Variants in COL6A2 observed in about 807,000 individuals in gnomAD.
COL6A2 encodes collagen type VI alpha 2 chain, also known as collagen alpha-2(VI) chain.
COL6A2 carries 90 observed loss-of-function variants against 124.9 expected under a neutral mutation model. That is an observed-to-expected ratio of 0.72 (90% CI 0.61 to 0.86). The LOEUF is 0.86. Among genes scored for constraint, COL6A2 ranks in the 40% least tolerant of loss-of-function variants. The probability of loss-of-function intolerance (pLI) is 0.00; values close to 1 mark genes in which losing one functional copy is unlikely to be tolerated. For missense variants in COL6A2, 1,607 were observed against 1,502.5 expected (o/e 1.07, Z -1.15); for synonymous variants, 793 against 618.2 (o/e 1.28, Z -4.19).
intron 1 of COL6A2, among the ~76,000 whole-genome samples, chr21:46,098,392 C>T (rs2078249038): frequency 6.8e-6 from 1 of 148,130 alleles, no homozygotes; most frequent in African/African-American, 2.4e-5. Context: ...GTCCGACCCT[C>T]GGGCGCGCGA....
rs199929757 is a variant in COL6A2, at chr21:46,117,890, C to T, written c.1070C>T (p.Pro357Leu). 9 of 1,612,292 alleles carry T rather than the reference C, an allele frequency of 5.6e-6. No homozygotes were observed. Among genetic ancestry groups the T allele is most frequent in the African/African-American group, 1.3e-5 (1 of 74,894 alleles). The change falls in exon 12 of 28, where the codon CCG (proline) becomes CTG (leucine). Residue 357 changes from proline to leucine, a missense_variant. By Grantham distance (98) the Pro-to-Leu change is moderately conservative. This residue lies in a region of COL6A2 where 1,223 missense variants were observed against 1,052.2 expected (regional missense o/e 1.16). Coordinates refer to ENST00000300527, the MANE Select transcript of COL6A2 (RefSeq NM_001849.4). ...CTCTCTCAGGGCCCCGACGGTTACCCGGGGGAAGCAGGGAGTCCAGGGGAG... is the reference window on the plus strand; with the variant it reads ...CTCTCTCAGGGCCCCGACGGTTACCTGGGGGAAGCAGGGAGTCCAGGGGAG... ...DPGNRGPDGYPGEAGSPGERG... is the reference protein window; with the variant it reads ...DPGNRGPDGYLGEAGSPGERG...
At chr21:46,108,912 G>A (rs1343257922) in intron 1 of COL6A2, among the ~76,000 whole-genome samples, 1 of 152,204 alleles carries the variant, frequency 6.6e-6, no homozygotes, top group Admixed American at 6.5e-5. Flanking sequence ...ACAGACAAGT[G>A]GAGGGTGTGC....
In COL6A2 at chr21:46,125,945, C is replaced by T; in HGVS notation, c.2130C>T (p.Ala710=). The part of the protein sequence containing the change: ...GTWTPSALKF[A]YDRLIKESRR... ...GGACACCCTCAGCCCTCAAGTTTGC[C>T]TACGACCGCCTCATCAAGGAGAGCC... Residue 710 remains alanine, a synonymous_variant, in exon 26 of 28, where the codon GCC becomes GCT. Coordinates refer to ENST00000300527, the MANE Select transcript of COL6A2 (RefSeq NM_001849.4). The T allele has an allele frequency of 6.2e-7, 1 of 1,613,036 alleles. No individual in the cohort carries two copies. Among genetic ancestry groups the T allele is most frequent in the East Asian group, 2.2e-5 (1 of 44,860 alleles).
At position 46,111,539 on chromosome 21, in the gene COL6A2, G is replaced by A. The variant is rs2078398273; in HGVS notation, c.63G>A (p.Gln21=). The A allele has an allele frequency of 6.2e-7, 1 of 1,612,942 alleles. No homozygotes were observed. The highest frequency in any genetic ancestry group is 1.3e-5 in the African/African-American group (1 of 74,936). Residue 21 remains glutamine, a synonymous_variant, in exon 2 of 28, where the codon CAG becomes CAA. Coordinates refer to ENST00000300527, the MANE Select transcript of COL6A2 (RefSeq NM_001849.4). ...LWGILGAIQA[Q]QQEVISPDTT... is the part of the protein sequence containing the mutation. ...GAATCCTGGGGGCCATCCAGGCCCA[G>A]CAGCAGGAGGTCATCTCGCCGGACA...
chr21:46,126,169 A>C lies in COL6A2; in HGVS notation c.2354A>C (p.Asn785Thr), dbSNP rs746466184. 2 of 1,608,876 alleles carry C rather than the reference A, an allele frequency of 1.2e-6. No individual in the cohort carries two copies. Among genetic ancestry groups the C allele is most frequent in the Admixed American group, 3.3e-5 (2 of 60,024 alleles). ...TGCGACAAGCCACAGCAGGTGCGCAACATGACGCTGTTCTCCGACCTGGTC... is the reference window on the plus strand; with the variant it reads ...TGCGACAAGCCACAGCAGGTGCGCACCATGACGCTGTTCTCCGACCTGGTC... ...IACDKPQQVR[N>T]MTLFSDLVAE... Residue 785 changes from asparagine to threonine, a missense_variant, in exon 26 of 28, where the codon AAC becomes ACC. By Grantham distance (65) the Asn-to-Thr change is moderately conservative. Around this residue, in one of 3 missense-constraint regions of COL6A2, gnomAD observed 1,223 missense variants for 1,052.2 expected, o/e 1.16. Coordinates refer to ENST00000300527, the MANE Select transcript of COL6A2 (RefSeq NM_001849.4).
chr21:46,130,782 T>C (rs148498358), intron 27 of COL6A2, among the ~76,000 whole-genome samples: 3,030 of 152,272 alleles, frequency 0.02, 102 homozygotes, highest in South Asian at 0.089. Context: ...TTTCTGGACA[T>C]TTAAGCCGGT....
At chr21:46,119,539 A>G (rs1220999036) in intron 14 of COL6A2, among the ~76,000 whole-genome samples, 1 of 152,130 alleles carries the variant, frequency 6.6e-6, no homozygotes, top group Non-Finnish European at 1.5e-5. Context: ...CTCCACCTGG[A>G]GCCTCCCCAG....
In COL6A2 at chr21:46,122,946, C is replaced by T. The variant is rs186428044; in HGVS notation, c.1671+9C>T. On this transcript the variant is annotated intron_variant, in intron 21 of 27. Coordinates refer to ENST00000300527, the MANE Select transcript of COL6A2 (RefSeq NM_001849.4). ...GAGAGAAAGGAGAGCCTGTGAGTGT[C>T]ACCGTCCCGAAGCCCACAGCAGCTG... The T allele has an allele frequency of 4.5e-4, 722 of 1,612,854 alleles. 5 individuals are homozygous for T. In the African/African-American group the frequency reaches 8.8e-3, roughly 20 times the overall value.
intron 1 of COL6A2, among the ~76,000 whole-genome samples, chr21:46,105,771 A>G (rs570226971): frequency 4.3e-4 from 65 of 152,350 alleles, no homozygotes; most frequent in African/African-American, 1.5e-3. Context: ...CACCATCAAA[A>G]AAATTAATTA....
At chr21:46,115,308 C>T (rs998217305) in intron 5 of COL6A2, among the ~76,000 whole-genome samples, 4 of 152,370 alleles carry the variant, frequency 2.6e-5, no homozygotes, top group Non-Finnish European at 5.9e-5. Flanking sequence ...CCTCCCTTTT[C>T]TTCCTTTTGA....
intron 5 of COL6A2, 116 bp downstream of exon 5, chr21:46,114,189 G>A (rs1450618733): frequency 1.2e-6 from 1 of 817,938 alleles, no homozygotes; most frequent in East Asian, 2.5e-5. Context: ...CACTTTGGGA[G>A]GCCGAGGCGG....
rs1181444962 is a variant in COL6A2, at chr21:46,112,226, C to T, written c.363C>T (p.Asn121=). ...PGSDRASFIK[N]LQGISSFRRG... ...GCGACCGGGCCTCCTTCATCAAGAA[C>T]CTGCAGGGCATCAGCTCCTTCCGCC... The change falls in exon 3 of 28, where the codon AAC becomes AAT. Residue 121 remains asparagine (N), a synonymous_variant. Coordinates refer to ENST00000300527, the MANE Select transcript of COL6A2 (RefSeq NM_001849.4). 2.5e-6 allele frequency: 4 copies of T among 1,612,912 alleles called. No homozygotes were observed. Among genetic ancestry groups the T allele is most frequent in the Admixed American group, 1.7e-5 (1 of 60,026 alleles).
rs1048800127 is a variant in COL6A2, at chr21:46,125,488, C to T, written c.1840C>T (p.Leu614=). 3.7e-6 allele frequency: 6 copies of T among 1,613,010 alleles called. No individual in the cohort carries two copies. Among genetic ancestry groups the T allele is most frequent in the East Asian group, 2.2e-5 (1 of 44,868 alleles). ...CCDCEKRCGA[L]DVVFVIDSSE... ...AGACTGTGAGAAGCGCTGTGGCGCC[C>T]TGGACGTGGTCTTCGTCATCGACAG... Residue 614 remains leucine, a synonymous_variant, in exon 25 of 28, where the codon CTG becomes TTG. Coordinates refer to ENST00000300527, the MANE Select transcript of COL6A2 (RefSeq NM_001849.4).
In COL6A2 at chr21:46,112,505, C is replaced by T. The variant is rs781584161; in HGVS notation, c.642C>T (p.Asn214=). Residue 214 remains asparagine (N), a synonymous_variant, in exon 3 of 28, where the codon AAC becomes AAT. Coordinates refer to ENST00000300527, the MANE Select transcript of COL6A2 (RefSeq NM_001849.4). Reference sequence around the variant, plus strand: ...GCACGCCGCACGAGCTCTACCGCAACGACTACGCCACCATGCTGCCCGACT... The same window carrying T: ...GCACGCCGCACGAGCTCTACCGCAATGACTACGCCACCATGCTGCCCGACT... ...IASTPHELYR[N]DYATMLPDST... The T allele has an allele frequency of 9.9e-6, 16 of 1,611,832 alleles. No homozygotes were observed. The Admixed American group carries it at 1.0e-4, about 10-fold the overall frequency.
intron 27 of COL6A2, among the ~76,000 whole-genome samples, chr21:46,130,030 G>A (rs1274505801): frequency 6.6e-6 from 1 of 152,212 alleles, no homozygotes; most frequent in African/African-American, 2.4e-5. Context: ...CTGGGTGTGG[G>A]CACTAATCCC....
chr21:46,132,123 G>A lies in COL6A2; in HGVS notation c.2631G>A (p.Val877=), dbSNP rs1383156451. 3.2e-6 allele frequency: 5 copies of A among 1,580,792 alleles called. No homozygotes were observed. In the African/African-American group the frequency reaches 5.4e-5, roughly 17 times the overall value. ...ACGACGACCCTCTCAACGCACGCGT[G>A]GCGCTGCTGCAGTTTGGTGGCCCCG... ...RRDDDPLNAR[V]ALLQFGGPGE... Residue 877 remains valine, a synonymous_variant, in exon 28 of 28, where the codon GTG becomes GTA. Transcript: ENST00000300527.
At chr21:46,118,492 C>G in intron 12 of COL6A2, 122 bp from the exon 13 acceptor site, 1 of 874,472 alleles carries the variant, frequency 1.1e-6, no homozygotes, top group Non-Finnish European at 1.9e-6. Flanking sequence ...ATCCCAGGTG[C>G]CCCGTGGACA....
At chr21:46,128,821 C>T in intron 27 of COL6A2, 2 of 1,188,732 alleles carry the variant, frequency 1.7e-6, no homozygotes, top group Non-Finnish European at 1.3e-6. Flanking sequence ...CAGGCGGGCT[C>T]TTGAGGGGTG....
chr21:46,120,628 CA>C (rs2123643371), intron 16 of COL6A2, 51 bp downstream of exon 16: 2 of 1,422,188 alleles, frequency 1.4e-6, no homozygotes, highest in Non-Finnish European at 1.9e-6. Context: ...TGAGGGGGTG[CA>C]GGGGGGCTGC....
Sources: gnomAD v4.1 joint callset for allele counts (sites outside exome capture counted in the v4.1 genomes callset) on GRCh38, gnomAD v4.1.1 for gene constraint, gnomAD v4.1.1 regional missense constraint, MANE v1.5 for transcripts, NCBI Gene and HGNC (gene_info 2026-07-23, HGNC 2026-07-21) for gene names.